Variants in RNF152 observed in about 807,000 individuals in gnomAD.
RNF152 encodes E3 ubiquitin-protein ligase RNF152.
A neutral mutation model predicts 12.7 loss-of-function variants in RNF152; 11 were observed. The ratio of observed to expected loss-of-function variants is 0.86; its 90% CI spans 0.54 to 1.43. The LOEUF is 1.43. Ranked by LOEUF, RNF152 falls within the 40% of genes most tolerant of loss-of-function variation. The pLI is 0.00. For synonymous variants in RNF152, 113 were observed against 120.3 expected (o/e 0.94, Z 0.40); for missense variants, 255 against 274.8 (o/e 0.93, Z 0.51).
At position 61,852,768 on chromosome 18, in the gene RNF152, A is replaced by C. The variant is rs565530979; in HGVS notation, c.-135-36170T>G. Among the ~76,000 whole-genome samples the C allele has an allele frequency of 2.6e-5, 4 of 152,288 alleles. No individual in the cohort carries two copies. In the South Asian group the frequency reaches 8.3e-4, roughly 32 times the overall value. ...AAGCTCTCCAGGTGACTCACTGAGC[A>C]TACAAGGTTGAGACTCACAGCTACA... On this transcript the variant is annotated intron_variant, in intron 1 of 1. Coordinates refer to ENST00000312828, the MANE Select transcript of RNF152 (RefSeq NM_173557.3).
chr18:61,853,294 C>T (rs1049025081), intron 1 of RNF152, among the ~76,000 whole-genome samples: 1 of 137,584 alleles, frequency 7.3e-6, no homozygotes, highest in Admixed American at 7.5e-5. Context: ...TGGTTCCTTG[C>T]CCTTTTTTTT....
At chr18:61,868,012 C>T (rs531895873) in intron 1 of RNF152, among the ~76,000 whole-genome samples, 6 of 152,262 alleles carry the variant, frequency 3.9e-5, no homozygotes, top group African/African-American at 9.6e-5. Flanking sequence ...TAGAACTTAA[C>T]GAGCCTCCTA....
Position 61,816,000 on chromosome 18 carries a change from T to C in RNF152, c.464A>G (p.Gln155Arg). ...GCTTTTCACCACGCCCCGCCTGTCC[T>C]GCTCCTCCTCCACCGCCTCCTGGGG... is the stretch of plus-strand genomic sequence containing the variant. ...GAPQEAVEEE[Q>R]DRRGVVKSST... Residue 155 changes from glutamine to arginine, a missense_variant, in exon 2 of 2, where the codon CAG (glutamine) becomes CGG (arginine). By Grantham distance (43) the Gln-to-Arg change is conservative (BLOSUM62 1). Coordinates refer to ENST00000312828, the MANE Select transcript of RNF152 (RefSeq NM_173557.3). 6.2e-7 allele frequency: 1 copy of C among 1,614,204 alleles called. No individual in the cohort carries two copies. Among genetic ancestry groups the C allele is most frequent in the Non-Finnish European group, 8.5e-7 (1 of 1,180,026 alleles).
At chr18:61,845,423 C>A (rs954439763) in intron 1 of RNF152, among the ~76,000 whole-genome samples, 4 of 152,256 alleles carry the variant, frequency 2.6e-5, no homozygotes, top group African/African-American at 9.6e-5. Context: ...GCAGAGCAAA[C>A]CACTCAGGCC....
At chr18:61,875,801 C>A (rs1912189331) in intron 1 of RNF152, among the ~76,000 whole-genome samples, 1 of 152,102 alleles carries the variant, frequency 6.6e-6, no homozygotes, top group Admixed American at 6.5e-5. Context: ...CCCATTCCTG[C>A]CACCCTCCCC....
intron 1 of RNF152, among the ~76,000 whole-genome samples, chr18:61,889,595 A>T (rs1362685104): frequency 6.6e-6 from 1 of 152,202 alleles, no homozygotes; most frequent in Non-Finnish European, 1.5e-5. Flanking sequence ...ATGGAAGCAC[A>T]AATGTCCCTA....
In RNF152 at chr18:61,809,990, A is replaced by C. The variant is rs1486628684; in HGVS notation, c.*5862T>G. 1 of 152,220 alleles carries C rather than the reference A, an allele frequency of 6.6e-6. No individual in the cohort carries two copies. The highest frequency in any genetic ancestry group is 1.5e-5 in the Non-Finnish European group (1 of 68,048). The allele number at this position is 152,220 out of a possible 1,614,324, so 9.4% of individuals were successfully genotyped here. On this transcript the variant is annotated 3_prime_UTR_variant, in exon 2 of 2. Coordinates refer to ENST00000312828, the MANE Select transcript of RNF152 (RefSeq NM_173557.3). ...ACCACTTGAGCAGATCCAAAAAATA[A>C]GGTATTTGGAAGAAATTAAATGCCC...
chr18:61,816,242 C>T lies in RNF152; in HGVS notation c.222G>A (p.Glu74=). 6.2e-7 allele frequency: 1 copy of T among 1,614,244 alleles called. No homozygotes were observed. The highest frequency in any genetic ancestry group is 8.5e-7 in the Non-Finnish European group (1 of 1,180,038). ...FSVSQLPDDP[E]VLAVIAIPHT... is the part of the protein sequence containing the mutation. Reference sequence around the variant, plus strand: ...GTGGAATGGCGATGACAGCCAGGACCTCCGGGTCGTCCGGGAGCTGCGACA... The same window carrying T: ...GTGGAATGGCGATGACAGCCAGGACTTCCGGGTCGTCCGGGAGCTGCGACA... The change falls in exon 2 of 2, where the codon GAG becomes GAA. Residue 74 remains glutamate (E), a synonymous_variant. Transcript: ENST00000312828.
chr18:61,833,941 C>G (rs956496040), intron 1 of RNF152, among the ~76,000 whole-genome samples: 1 of 152,176 alleles, frequency 6.6e-6, no homozygotes, highest in Non-Finnish European at 1.5e-5. Flanking sequence ...AATACCAACT[C>G]CTTTAATTAT....
intron 1 of RNF152, among the ~76,000 whole-genome samples, chr18:61,851,947 G>C (rs1911003301): frequency 6.6e-6 from 1 of 152,052 alleles, no homozygotes; most frequent in Non-Finnish European, 1.5e-5. Flanking sequence ...GTACCTTGTG[G>C]CTCATTAAAA....
intron 1 of RNF152, among the ~76,000 whole-genome samples, chr18:61,886,013 T>TTTTTTTG (rs1912683507): frequency 1.5e-5 from 1 of 67,012 alleles, no homozygotes; most frequent in African/African-American, 6.2e-5. Flanking sequence ...TTTTTTTTTT[T>TTTTTTTG]GTGGGCAAAG....
At chr18:61,833,840 T>A (rs544974458) in intron 1 of RNF152, among the ~76,000 whole-genome samples, 1 of 152,236 alleles carries the variant, frequency 6.6e-6, no homozygotes, top group East Asian at 1.9e-4. Flanking sequence ...AGGTGACCTC[T>A]CTCAATTATA....
intron 1 of RNF152, among the ~76,000 whole-genome samples, chr18:61,881,470 G>A (rs1369512554): frequency 6.6e-6 from 1 of 152,166 alleles, no homozygotes; most frequent in Non-Finnish European, 1.5e-5. Context: ...AAGTGCAGAT[G>A]GCAGGCAAAC....
At chr18:61,849,495 C>T (rs539360074) in intron 1 of RNF152, among the ~76,000 whole-genome samples, 25 of 152,262 alleles carry the variant, frequency 1.6e-4, no homozygotes, top group African/African-American at 4.6e-4. Flanking sequence ...AACAGCCACA[C>T]GAAGGGGATT....
chr18:61,858,501 C>G (rs1431941242), intron 1 of RNF152, among the ~76,000 whole-genome samples: 1 of 152,118 alleles, frequency 6.6e-6, no homozygotes, highest in African/African-American at 2.4e-5. Flanking sequence ...AATATTTCCC[C>G]CGATACCTTC....
At chr18:61,844,098 G>GAAAGAAAGAAAGAAAGAAAGAAAGAA (rs1555702327) in intron 1 of RNF152, among the ~76,000 whole-genome samples, 2,047 of 123,732 alleles carry the variant, frequency 0.017, 48 homozygotes, top group Middle Eastern at 0.031. Context: ...AAGAAAGAAA[G>GAAAGAAAGAAAGAAAGAAAGAAAGAA]AAAGAAAGAA....
intron 1 of RNF152, chr18:61,874,987 C>T (rs949653601): frequency 6.6e-6 from 1 of 152,250 alleles, no homozygotes; most frequent in Non-Finnish European, 1.5e-5. Context: ...GACCCACCTG[C>T]ATCACCGGCC....
intron 1 of RNF152, among the ~76,000 whole-genome samples, chr18:61,829,096 T>C (rs1048158619): frequency 4.6e-5 from 7 of 152,076 alleles, no homozygotes; most frequent in Admixed American, 4.6e-4. Flanking sequence ...GCCTGGGACC[T>C]CCAGTAAGTC....
intron 1 of RNF152, among the ~76,000 whole-genome samples, chr18:61,821,212 G>C (rs193148202): frequency 6.0e-4 from 91 of 152,288 alleles, no homozygotes; most frequent in African/African-American, 2.2e-3. Context: ...TTTTATTCAT[G>C]AATTTATGTT....
Sources: allele counts gnomAD v4.1 joint callset (sites outside exome capture counted in the v4.1 genomes callset), GRCh38; gene constraint gnomAD v4.1.1; transcripts MANE v1.5; gene names NCBI Gene and HGNC (gene_info 2026-07-23, HGNC 2026-07-21).